PHF24: variants seen among roughly 807,000 people sequenced by gnomAD.
PHF24 encodes Galpha inhibitory interacting protein.
PHF24 carries 25 observed loss-of-function variants against 42.6 expected under a neutral mutation model. The ratio of observed to expected loss-of-function variants is 0.59; its 90% confidence interval spans 0.43 to 0.82. PHF24 has a LOEUF of 0.82. PHF24 is among the 40% of genes least tolerant of loss of function. The pLI, the probability that PHF24 is intolerant of heterozygous loss-of-function variation, is 0.00. For synonymous variants in PHF24, 185 were observed against 204.8 expected, an observed-to-expected ratio of 0.90 and a Z score of 0.83; for missense variants, 470 against 538.1, an observed-to-expected ratio of 0.87 and a Z score of 1.25.
chr9:34,981,717 G>T (rs1218035576), exon 8 of PHF24: 1 of 150,874 alleles, frequency 6.6e-6, no homozygotes, highest in Non-Finnish European at 1.5e-5. Flanking sequence ...TATTTACAGT[G>T]AAATAAAATT....
chr9:34,751,143 T>C, the PHF24 span, among the ~76,000 whole-genome samples: 1 of 152,154 alleles, frequency 6.6e-6, no homozygotes, highest in Non-Finnish European at 1.5e-5. Flanking sequence ...GGAGGGTGGA[T>C]CACCTGATGT....
the PHF24 span, among the ~76,000 whole-genome samples, chr9:34,948,509 G>A: frequency 6.6e-6 from 1 of 151,912 alleles, no homozygotes; most frequent in Non-Finnish European, 1.5e-5. Flanking sequence ...TATTTTTATT[G>A]TACCTTTTAT....
the PHF24 span, chr9:34,726,564 C>T: frequency 1.3e-6 from 2 of 1,551,878 alleles, no homozygotes; most frequent in Non-Finnish European, 1.7e-6. Context: ...CTTGGCTTCT[C>T]AATCCTTGAA....
chr9:34,747,098 G>A, the PHF24 span, among the ~76,000 whole-genome samples: 1 of 152,104 alleles, frequency 6.6e-6, no homozygotes, highest in Non-Finnish European at 1.5e-5. Flanking sequence ...AGCCAACAAG[G>A]CGGTTGTATT....
chr9:34,886,682 A>C, the PHF24 span, among the ~76,000 whole-genome samples: 1 of 151,428 alleles, frequency 6.6e-6, no homozygotes, highest in African/African-American at 2.4e-5. Context: ...CAGTCCTTAG[A>C]TCTCTTTCAT....
the PHF24 span, among the ~76,000 whole-genome samples, chr9:34,716,367 C>T: frequency 1.1e-4 from 17 of 152,152 alleles, no homozygotes; most frequent in African/African-American, 4.1e-4. Flanking sequence ...GTTTGCGGTT[C>T]CTGTTGATAG....
chr9:34,965,454 C>T (rs539059136), intron 1 of PHF24, among the ~76,000 whole-genome samples: 31 of 152,358 alleles, frequency 2.0e-4, no homozygotes, highest in African/African-American at 6.7e-4. Flanking sequence ...CAAGATTGAA[C>T]CATCTCAGCT....
the PHF24 span, among the ~76,000 whole-genome samples, chr9:34,807,387 A>G: frequency 6.6e-6 from 1 of 152,194 alleles, no homozygotes; most frequent in Non-Finnish European, 1.5e-5. Context: ...TAAAGTAGGG[A>G]TGCAGTAAAC....
At chr9:34,847,457 T>C in the PHF24 span, among the ~76,000 whole-genome samples, 1 of 151,930 alleles carries the variant, frequency 6.6e-6, no homozygotes, top group Non-Finnish European at 1.5e-5. Context: ...TTTTGTATCC[T>C]GAGACTTTGC....
the PHF24 span, among the ~76,000 whole-genome samples, chr9:34,740,284 G>C: frequency 6.6e-6 from 1 of 152,346 alleles, no homozygotes; most frequent in South Asian, 2.1e-4. Flanking sequence ...CATGGAGCAG[G>C]GGGCGGCGCT....
the PHF24 span, among the ~76,000 whole-genome samples, chr9:34,875,944 ACACACACTCTCTCTCTCTCT>A: frequency 0.011 from 964 of 85,602 alleles, 9 homozygotes; most frequent in East Asian, 0.032. Context: ...ACACACACAC[ACACACACTCTCTCTCTCTCT>A]CTCTCTCTCT....
chr9:34,843,109 T>G, the PHF24 span, among the ~76,000 whole-genome samples: 1 of 152,246 alleles, frequency 6.6e-6, no homozygotes, highest in Admixed American at 6.5e-5. Flanking sequence ...GACACATTAC[T>G]TGTCTAGAAA....
At chr9:34,840,877 A>G in the PHF24 span, among the ~76,000 whole-genome samples, 3 of 152,196 alleles carry the variant, frequency 2.0e-5, no homozygotes, top group African/African-American at 4.8e-5. Flanking sequence ...GCATAAATAT[A>G]TAAGTATATA....
chr9:34,691,225 G>A, the PHF24 span: 883 of 1,215,116 alleles, frequency 7.3e-4, 4 homozygotes, highest in African/African-American at 0.012. Flanking sequence ...GCTGCAGGGC[G>A]ACTGGGATGC....
the PHF24 span, among the ~76,000 whole-genome samples, chr9:34,854,155 G>A: frequency 7.1e-6 from 1 of 141,532 alleles, no homozygotes; most frequent in South Asian, 2.2e-4. Flanking sequence ...GTGTCTATTT[G>A]GTTCTCTCTT....
the PHF24 span, among the ~76,000 whole-genome samples, chr9:34,938,923 C>T: frequency 6.9e-5 from 8 of 115,128 alleles, no homozygotes; most frequent in Non-Finnish European, 1.0e-4. Context: ...GGCGACAGAG[C>T]GAGACTCCAT....
chr9:34,775,641 C>T, the PHF24 span, among the ~76,000 whole-genome samples: 3 of 152,078 alleles, frequency 2.0e-5, no homozygotes, highest in Non-Finnish European at 2.9e-5. Context: ...AATCTAAAAA[C>T]GTTCTAAAAA....
the PHF24 span, among the ~76,000 whole-genome samples, chr9:34,881,305 G>A: frequency 6.6e-6 from 1 of 152,016 alleles, no homozygotes; most frequent in African/African-American, 2.4e-5. Context: ...AAGAACTAGA[G>A]AAGCAAGAGC....
At chr9:34,701,651 G>C in the PHF24 span, among the ~76,000 whole-genome samples, 7 of 152,050 alleles carry the variant, frequency 4.6e-5, no homozygotes, top group Non-Finnish European at 1.0e-4. The surrounding 1 kb of genome is among the most constrained non-coding windows in gnomAD (Gnocchi z 5.8). Flanking sequence ...CGCGCGGGCC[G>C]GGCGTATGGA....
Sources: allele counts gnomAD v4.1 joint callset (sites outside exome capture counted in the v4.1 genomes callset), GRCh38; gene constraint gnomAD v4.1.1; non-coding constraint Gnocchi (gnomAD v3.1); transcripts MANE v1.5; gene names NCBI Gene and HGNC (gene_info 2026-07-23, HGNC 2026-07-21).